TRPC1: variants seen among roughly 807,000 people sequenced by gnomAD.
TRPC1 encodes short transient receptor potential channel 1.
In TRPC1, 42 loss-of-function variants were observed where a neutral mutation model predicts 88.2. That is an observed-to-expected ratio of 0.48 (90% CI 0.37 to 0.62). The LOEUF (loss-of-function observed/expected upper bound fraction) is 0.62, where lower values mean the gene tolerates loss of function less well. Ranked by LOEUF, TRPC1 falls within the 20% of genes least tolerant of loss-of-function variation. The pLI, the probability that TRPC1 is intolerant of heterozygous loss-of-function variation, is 0.00. For synonymous variants in TRPC1, 288 were observed against 331.8 expected (o/e 0.87, Z 1.43); for missense variants, 699 against 957.3 (o/e 0.73, Z 3.56).
At chr3:142,775,332 A>C (rs896936800) in intron 4 of TRPC1, among the ~76,000 whole-genome samples, 1 of 152,204 alleles carries the variant, frequency 6.6e-6, no homozygotes, top group African/African-American at 2.4e-5. Flanking sequence ...GATAAACAAC[A>C]AACTGGATTA....
intron 9 of TRPC1, among the ~76,000 whole-genome samples, chr3:142,798,937 C>G (rs891435705): frequency 6.6e-6 from 1 of 152,110 alleles, no homozygotes; most frequent in Non-Finnish European, 1.5e-5. Context: ...CTGCATAGTA[C>G]TCTGTGTATG....
At chr3:142,768,534 T>C (rs1365074337) in intron 4 of TRPC1, among the ~76,000 whole-genome samples, 1 of 152,258 alleles carries the variant, frequency 6.6e-6, no homozygotes, top group East Asian at 1.9e-4. Flanking sequence ...TTATCTACTT[T>C]GACAGTTTTT....
intron 1 of TRPC1, among the ~76,000 whole-genome samples, chr3:142,729,379 A>G (rs558011058): frequency 6.6e-6 from 1 of 152,360 alleles, no homozygotes; most frequent in Non-Finnish European, 1.5e-5. Context: ...CTTTAGGAGA[A>G]TATTCTTTAA....
intron 9 of TRPC1, among the ~76,000 whole-genome samples, chr3:142,795,829 G>C (rs1489763470): frequency 3.3e-5 from 5 of 151,992 alleles, no homozygotes; most frequent in African/African-American, 1.2e-4. Flanking sequence ...AAGCTAAATA[G>C]ACAGGCATTT....
At chr3:142,771,820 G>A (rs1935589799) in intron 4 of TRPC1, among the ~76,000 whole-genome samples, 1 of 152,012 alleles carries the variant, frequency 6.6e-6, no homozygotes, top group Non-Finnish European at 1.5e-5. Flanking sequence ...TCAGCCTGAT[G>A]AACTTGCTTT....
intron 5 of TRPC1, among the ~76,000 whole-genome samples, chr3:142,778,571 AAAG>A (rs1258098812): frequency 1.3e-5 from 2 of 152,210 alleles, no homozygotes; most frequent in Non-Finnish European, 2.9e-5. Flanking sequence ...GTTGCCCTCT[AAAG>A]AAGGAGGAAT....
At chr3:142,738,859 T>A (rs1236738888) in intron 2 of TRPC1, among the ~76,000 whole-genome samples, 1 of 152,212 alleles carries the variant, frequency 6.6e-6, no homozygotes, top group Non-Finnish European at 1.5e-5. Flanking sequence ...AACATTTATA[T>A]AATAACTACT....
intron 6 of TRPC1, among the ~76,000 whole-genome samples, chr3:142,783,418 A>G (rs1351956122): frequency 1.3e-5 from 2 of 152,254 alleles, no homozygotes; most frequent in African/African-American, 2.4e-5. Flanking sequence ...AAGTATTTGC[A>G]TATAACATAC....
intron 4 of TRPC1, among the ~76,000 whole-genome samples, chr3:142,777,031 A>T (rs146675892): frequency 1.1e-3 from 162 of 149,980 alleles, no homozygotes; most frequent in African/African-American, 3.3e-3. Flanking sequence ...TTGGGTTCAA[A>T]CCAGGCACAG....
rs1934626538 is a variant in TRPC1 at position 142,748,187 on chromosome 3, C to T, written c.430-71C>T. On this transcript the variant is annotated intron_variant, in intron 3 of 12. Transcript: ENST00000476941. ...TTTGTGCCTTCCTATTTTTTCATTTCATTCTTCAGATAAATATATTTTTTG... is the reference window on the plus strand; with the variant it reads ...TTTGTGCCTTCCTATTTTTTCATTTTATTCTTCAGATAAATATATTTTTTG... The T allele has an allele frequency of 7.6e-6, 10 of 1,307,302 alleles. No homozygotes were observed. In the Admixed American group the frequency reaches 8.6e-5, roughly 11 times the overall value. The allele number at this position is 1,307,302 out of a possible 1,614,324, so 81.0% of individuals were successfully genotyped here.
At chr3:142,750,717 A>G (rs1404170020) in intron 4 of TRPC1, among the ~76,000 whole-genome samples, 1 of 152,196 alleles carries the variant, frequency 6.6e-6, no homozygotes, top group Non-Finnish European at 1.5e-5. Context: ...AGAATACACC[A>G]TGGAATACTA....
chr3:142,783,992 C>T (rs1468071459), intron 6 of TRPC1, among the ~76,000 whole-genome samples: 1 of 152,094 alleles, frequency 6.6e-6, no homozygotes, highest in Non-Finnish European at 1.5e-5. Flanking sequence ...AAATTTTTCT[C>T]ATATTTGGGA....
chr3:142,802,834 GTAAA>G (rs1936665259), intron 10 of TRPC1, among the ~76,000 whole-genome samples: 1 of 152,104 alleles, frequency 6.6e-6, no homozygotes, highest in Admixed American at 6.6e-5. Context: ...CTGTTTTGAG[GTAAA>G]CAAAATTCCT....
chr3:142,778,486 C>T (rs187898197), intron 5 of TRPC1, among the ~76,000 whole-genome samples: 9 of 151,594 alleles, frequency 5.9e-5, no homozygotes, highest in Admixed American at 5.3e-4. Context: ...TTAAAAAAAT[C>T]CTTAGAAAAC....
intron 5 of TRPC1, among the ~76,000 whole-genome samples, chr3:142,779,361 T>C (rs1256302777): frequency 1.3e-5 from 2 of 152,204 alleles, no homozygotes; most frequent in Non-Finnish European, 2.9e-5. Flanking sequence ...CAGCCACTTA[T>C]TTGTCTTCAG....
intron 9 of TRPC1, among the ~76,000 whole-genome samples, chr3:142,796,529 A>C (rs1328315589): frequency 1.3e-5 from 2 of 151,858 alleles, no homozygotes; most frequent in Admixed American, 6.6e-5. Flanking sequence ...CAGGTCCCAC[A>C]TGCTTCCTGT....
chr3:142,728,424 G>A (rs9865053), intron 1 of TRPC1, among the ~76,000 whole-genome samples: 1 of 150,938 alleles, frequency 6.6e-6, no homozygotes, highest in Non-Finnish European at 1.5e-5. Flanking sequence ...GCGATTCTCC[G>A]GCCTCAGCCT....
chr3:142,747,535 G>C (rs899018359), intron 3 of TRPC1, among the ~76,000 whole-genome samples: 1 of 152,132 alleles, frequency 6.6e-6, no homozygotes, highest in African/African-American at 2.4e-5. Flanking sequence ...CAGCCACCCT[G>C]TTTGTGGCTC....
chr3:142,794,361 A>C (rs1267601948), intron 9 of TRPC1, among the ~76,000 whole-genome samples: 1 of 152,128 alleles, frequency 6.6e-6, no homozygotes, highest in Non-Finnish European at 1.5e-5. Flanking sequence ...AATATTTTTT[A>C]GGAATGAAGA....
Sources: gnomAD v4.1 joint callset for allele counts (sites outside exome capture counted in the v4.1 genomes callset) on GRCh38, gnomAD v4.1.1 for gene constraint, MANE v1.5 for transcripts, NCBI Gene and HGNC (gene_info 2026-07-23, HGNC 2026-07-21) for gene names.